RNF19A: variants seen among roughly 807,000 people sequenced by gnomAD.
RNF19A encodes the protein E3 ubiquitin-protein ligase RNF19A.
In RNF19A, 32 loss-of-function variants were observed where a neutral mutation model predicts 75.7. The observed-to-expected ratio is 0.42, with a 90% CI of 0.32 to 0.57. The LOEUF is 0.57. Among genes scored for constraint, RNF19A ranks in the 20% least tolerant of loss-of-function variants. The pLI, the probability that RNF19A is intolerant of heterozygous loss-of-function variation, is 0.10. For missense variants in RNF19A, 782 were observed against 1,036.3 expected, an observed-to-expected ratio of 0.75 and a Z score of 3.37; for synonymous variants, 335 against 345.2, an observed-to-expected ratio of 0.97 and a Z score of 0.33.
rs372212716 is a variant in RNF19A, at chr8:100,327,376, C to T, written c.-243+8732G>A. 5.3e-5 allele frequency among the ~76,000 whole-genome samples: 8 copies of T among 151,236 alleles called. No homozygotes were observed. In the East Asian group the frequency reaches 1.2e-3, roughly 22 times the overall value. On this transcript the variant is annotated intron_variant, in intron 1 of 3. Coordinates refer to the RNF19A transcript ENST00000519527. ...AAGTGATTCTCATGCCTCAGCCTCC[C>T]GAGTAGCTGGAATTACAGGCGTGTG...
rs548350390 is a variant in RNF19A, at chr8:100,260,222, A to G, written c.1683-225T>C. Reference sequence around the variant, plus strand: ...CAGCTGTCTGCCAAGTAAAGTGGTAATGAAATAACACAAAAAAGACACAAA... The same window carrying G: ...CAGCTGTCTGCCAAGTAAAGTGGTAGTGAAATAACACAAAAAAGACACAAA... On this transcript the variant is annotated intron_variant, in intron 8 of 9. Coordinates refer to ENST00000341084, the MANE Select transcript of RNF19A (RefSeq NM_183419.4). This position sits in a 1 kb window ranked among gnomAD's most constrained non-coding sequence, Gnocchi z 4.1. 6.6e-6 allele frequency among the ~76,000 whole-genome samples: 1 copy of G among 152,306 alleles called. No individual in the cohort carries two copies. The highest frequency in any genetic ancestry group is 1.9e-4 in the East Asian group (1 of 5,192).
intron 5 of RNF19A, among the ~76,000 whole-genome samples, chr8:100,267,223 C>T (rs1309270866): frequency 1.3e-5 from 2 of 152,180 alleles, no homozygotes; most frequent in Non-Finnish European, 2.9e-5. Flanking sequence ...CTCAGCTCTG[C>T]TTCTTTGTGT....
rs941660444 is a variant in RNF19A, at chr8:100,317,336, G to A, written c.-242-3964C>T. ...CGAGGGCTCTGAGGACTGCCAGCAC[G>A]CTGTCACCTCTCATAAGTGTTTCAG... On this transcript the variant is annotated intron_variant, in intron 1 of 3. Transcript: ENST00000519527. This position sits in a 1 kb window ranked among gnomAD's most constrained non-coding sequence, Gnocchi z 4.3. Among the ~76,000 whole-genome samples, 10 of 152,232 alleles carry A rather than the reference G, an allele frequency of 6.6e-5. No homozygotes were observed. Among genetic ancestry groups the A allele is most frequent in the Non-Finnish European group, 1.2e-4 (8 of 68,036 alleles).
chr8:100,292,990 G>A (rs1821379986), intron 1 of RNF19A, among the ~76,000 whole-genome samples: 1 of 152,158 alleles, frequency 6.6e-6, no homozygotes, highest in Non-Finnish European at 1.5e-5. Flanking sequence ...GGTGGGGGGT[G>A]GGAGCAAGGA....
rs534156857 is a variant in RNF19A at position 100,268,418 on chromosome 8, ATG to A, written c.1191+365_1191+366del. ...GGCTAATTATTCTTTGCCTGAGGGC[ATG>A]TGTTATTTAGCTATTAACTTTCATT... On this transcript the variant is annotated intron_variant, in intron 5 of 9. Coordinates refer to ENST00000341084, the MANE Select transcript of RNF19A (RefSeq NM_183419.4). Among the ~76,000 whole-genome samples the A allele has an allele frequency of 3.1e-3, 465 of 152,306 alleles. 3 individuals are homozygous for A. Among genetic ancestry groups the A allele is most frequent in the Non-Finnish European group, 2.7e-3 (183 of 68,020 alleles).
In RNF19A at chr8:100,290,785, G is replaced by A. The variant is rs1821257480; in HGVS notation, c.-93-2518C>T. The stretch of plus-strand genomic sequence containing the variant: ...TGTTATAGTCTATTACACACCTAGG[G>A]TATACTGTATAGATTATTGCTCCTA... On this transcript the variant is annotated intron_variant, in intron 1 of 9. Coordinates refer to ENST00000341084, the MANE Select transcript of RNF19A (RefSeq NM_183419.4). Among the ~76,000 whole-genome samples the A allele has an allele frequency of 5.3e-5, 8 of 152,256 alleles. No homozygotes were observed. The South Asian group carries it at 1.5e-3, about 28-fold the overall frequency.
intron 1 of RNF19A, chr8:100,309,240 T>G: frequency 1.7e-4 from 129 of 771,984 alleles, no homozygotes; most frequent in Middle Eastern, 6.6e-4. Context: ...GGCTACACCA[T>G]TTTGGTGTGA....
At chr8:100,288,319 T>C in intron 1 of RNF19A, 52 bp from the exon 2 acceptor site, 4 of 1,129,716 alleles carry the variant, frequency 3.5e-6, no homozygotes, top group Non-Finnish European at 4.6e-6. Context: ...ATTCTTAGTT[T>C]GTATATTTTT....
At chr8:100,321,347 T>C (rs1314250179) in intron 1 of RNF19A, among the ~76,000 whole-genome samples, 1 of 152,258 alleles carries the variant, frequency 6.6e-6, no homozygotes, top group Non-Finnish European at 1.5e-5. Flanking sequence ...AGATTCCATC[T>C]AAAGAAACTA....
chr8:100,261,864 G>C lies in RNF19A; in HGVS notation c.1469-109C>G. 1.8e-6 allele frequency: 2 copies of C among 1,097,424 alleles called. No homozygotes were observed. The highest frequency in any genetic ancestry group is 4.8e-5 in the East Asian group (2 of 41,282). The allele number at this position is 1,097,424 out of a possible 1,614,324, so 68.0% of individuals were successfully genotyped here. A position where few individuals can be genotyped will look rare whatever the true frequency, so the allele number is the denominator to read the frequency against. ...ACATTATATAAGGTATAAAATATAC[G>C]CAGACATGGAAAAATATTTTTTTCA... On this transcript the variant is annotated intron_variant, in intron 7 of 9. Coordinates refer to ENST00000341084, the MANE Select transcript of RNF19A (RefSeq NM_183419.4). The surrounding 1 kb of genome is among the most constrained non-coding windows in gnomAD (Gnocchi z 4.4).
chr8:100,332,671 T>C lies in RNF19A; in HGVS notation c.-243+3437A>G, dbSNP rs1822626537. On this transcript the variant is annotated intron_variant, in intron 1 of 3. Coordinates refer to the RNF19A transcript ENST00000519527. The surrounding 1 kb of genome is among the most constrained non-coding windows in gnomAD (Gnocchi z 4.8). ...ACATCCTCTTTAACAAAGTGTATTA[T>C]TAAACATTTTGGTCTTTGCAAATTT... Among the ~76,000 whole-genome samples, 2 of 152,256 alleles carry C rather than the reference T, an allele frequency of 1.3e-5. No individual in the cohort carries two copies. Among genetic ancestry groups the C allele is most frequent in the Non-Finnish European group, 2.9e-5 (2 of 68,044 alleles).
At chr8:100,293,734 T>C (rs931757715) in intron 1 of RNF19A, among the ~76,000 whole-genome samples, 1 of 152,184 alleles carries the variant, frequency 6.6e-6, no homozygotes, top group African/African-American at 2.4e-5. Context: ...TTCTAATTAT[T>C]TGTATGTCAG....
chr8:100,258,686 G>A lies in RNF19A; in HGVS notation c.2387C>T (p.Ala796Val). 1 of 1,614,100 alleles carries A rather than the reference G, an allele frequency of 6.2e-7. No homozygotes were observed. The change falls in exon 10 of 10, where the codon GCT becomes GTT. Residue 796 changes from alanine (A) to valine (V), a missense_variant. By Grantham distance (64) the Ala-to-Val change is moderately conservative. This residue lies in a region of RNF19A where 442 missense variants were observed against 541.6 expected (regional missense o/e 0.82). Coordinates refer to ENST00000341084, the MANE Select transcript of RNF19A (RefSeq NM_183419.4). The surrounding 1 kb of genome is among the most constrained non-coding windows in gnomAD (Gnocchi z 4.3). ...CSEVSQLNHIAEEHGNNGIKP... is the reference protein window; with the variant it reads ...CSEVSQLNHIVEEHGNNGIKP... ...TATTCCATTGTTACCATGTTCTTCAGCAATATGATTCAACTGTGAAACTTC... is the reference window on the plus strand; with the variant it reads ...TATTCCATTGTTACCATGTTCTTCAACAATATGATTCAACTGTGAAACTTC...
chr8:100,310,906 A>C (rs951988854), upstream of RNF19A, among the ~76,000 whole-genome samples: 4 of 152,102 alleles, frequency 2.6e-5, no homozygotes, highest in East Asian at 7.7e-4. Flanking sequence ...TTCAATCTAC[A>C]CTAGTCTTGG....
chr8:100,326,666 C>A (rs1331104271), intron 1 of RNF19A, among the ~76,000 whole-genome samples: 19 of 152,206 alleles, frequency 1.2e-4, no homozygotes, highest in Non-Finnish European at 2.4e-4. Context: ...GTTTCTCTAT[C>A]TTATTTCCTT....
chr8:100,258,901 G>A lies in RNF19A; in HGVS notation c.2172C>T (p.His724=). 3.1e-6 allele frequency: 5 copies of A among 1,614,202 alleles called. No homozygotes were observed. Among genetic ancestry groups the A allele is most frequent in the Non-Finnish European group, 4.2e-6 (5 of 1,180,024 alleles). Residue 724 remains histidine (H), a synonymous_variant, in exon 10 of 10, where the codon CAC becomes CAT. Transcript: ENST00000341084. This position sits in a 1 kb window ranked among gnomAD's most constrained non-coding sequence, Gnocchi z 4.3. ...SDSMPSVADS[H]SSHFSEFSCS... ...AACTAAATTCAGAAAAATGACTAGA[G>A]TGAGAATCTGCTACAGAAGGCATAC...
At chr8:100,307,779 G>T (rs1822120635) in intron 1 of RNF19A, among the ~76,000 whole-genome samples, 1 of 151,920 alleles carries the variant, frequency 6.6e-6, no homozygotes, top group Non-Finnish European at 1.5e-5. Context: ...ATTCAAATTT[G>T]GGAAGTGCAT....
At position 100,258,410 on chromosome 8, in the gene RNF19A, T is replaced by C. The variant is rs974578226; in HGVS notation, c.*146A>G. The C allele has an allele frequency of 1.6e-6, 1 of 630,976 alleles. No individual in the cohort carries two copies. Among genetic ancestry groups the C allele is most frequent in the Non-Finnish European group, 2.7e-6 (1 of 367,352 alleles). The allele number at this position is 630,976 out of a possible 1,614,324, so 39.1% of individuals were successfully genotyped here. On this transcript the variant is annotated 3_prime_UTR_variant, in exon 10 of 10. Coordinates refer to ENST00000341084, the MANE Select transcript of RNF19A (RefSeq NM_183419.4). The surrounding 1 kb of genome is among the most constrained non-coding windows in gnomAD (Gnocchi z 4.3). ...TAACTAAGATCCACATGACACACAA[T>C]GCCTTGCTGAACACAGAAAATGTAT...
At chr8:100,274,759 T>C (rs1360747777) in intron 3 of RNF19A, among the ~76,000 whole-genome samples, 194 bp downstream of exon 3, 6 of 152,220 alleles carry the variant, frequency 3.9e-5, no homozygotes, top group Non-Finnish European at 7.3e-5. Flanking sequence ...ACTTCCTTTT[T>C]TCCTGGACAG....
Sources: gnomAD v4.1 joint callset for allele counts (sites outside exome capture counted in the v4.1 genomes callset) on GRCh38, gnomAD v4.1.1 for gene constraint, gnomAD v4.1.1 regional missense constraint, Gnocchi (gnomAD v3.1) non-coding constraint, MANE v1.5 for transcripts, NCBI Gene and HGNC (gene_info 2026-07-23, HGNC 2026-07-21) for gene names.